The following CNTNAP5 variants were observed in gnomAD, a reference collection of about 807,000 sequenced individuals.
The protein encoded by CNTNAP5 is contactin-associated protein-like 5.
In CNTNAP5, 72 loss-of-function variants were observed where a neutral mutation model predicts 150.2. The ratio of observed to expected loss-of-function variants is 0.48; its 90% confidence interval spans 0.40 to 0.58. The LOEUF (loss-of-function observed/expected upper bound fraction) is 0.58, where lower values mean the gene tolerates loss of function less well. Ranked by LOEUF, CNTNAP5 falls within the 20% of genes least tolerant of loss-of-function variation. The probability of loss-of-function intolerance (pLI) is 0.00; values close to 1 mark genes in which losing one functional copy is unlikely to be tolerated. For synonymous variants in CNTNAP5, 672 were observed against 619.8 expected, an observed-to-expected ratio of 1.08 and a Z score of -1.25; for missense variants, 1,636 against 1,626.2, an observed-to-expected ratio of 1.01 and a Z score of -0.10.
intron 3 of CNTNAP5, among the ~76,000 whole-genome samples, chr2:124,313,228 G>A (rs949564891): frequency 2.0e-5 from 3 of 152,132 alleles, no homozygotes; most frequent in South Asian, 2.1e-4. Context: ...ATTATTATAC[G>A]ATTAATCACC....
chr2:124,200,942 C>A (rs1685713501), intron 1 of CNTNAP5, among the ~76,000 whole-genome samples: 1 of 152,186 alleles, frequency 6.6e-6, no homozygotes. Flanking sequence ...ACCTCTAAGA[C>A]CCATATGTCC....
At chr2:124,533,545 G>A (rs1019121499) in intron 10 of CNTNAP5, among the ~76,000 whole-genome samples, 2 of 152,148 alleles carry the variant, frequency 1.3e-5, no homozygotes, top group Non-Finnish European at 2.9e-5. Flanking sequence ...GATGGTTCCT[G>A]CCCCCACCTA....
chr2:124,296,911 G>T (rs577361290), intron 3 of CNTNAP5, among the ~76,000 whole-genome samples: 1 of 152,136 alleles, frequency 6.6e-6, no homozygotes, highest in Non-Finnish European at 1.5e-5. Context: ...GCCTGCAGCC[G>T]TTCTGCAATC....
Position 124,914,198 on chromosome 2 carries a change from G to T in CNTNAP5, c.3834G>T (p.Lys1278Asn), listed in dbSNP as rs773483783. ...QSHRTSQMKEKEYPENLDSSF... is the reference protein window; with the variant it reads ...QSHRTSQMKENEYPENLDSSF... ...ATCGTACGAGCCAGATGAAGGAGAA[G>T]GAATATCCAGAAAATTTGGACAGTT... The change falls in exon 24 of 24, where the codon AAG (lysine) becomes AAT (asparagine). Residue 1278 changes from lysine (K) to asparagine (N), a missense_variant. By Grantham distance (94) the Lys-to-Asn change is moderately conservative. Transcript: ENST00000682447. The T allele has an allele frequency of 6.2e-7, 1 of 1,612,536 alleles. No individual in the cohort carries two copies.
intron 4 of CNTNAP5, among the ~76,000 whole-genome samples, chr2:124,425,530 C>T (rs531400837): frequency 1.6e-4 from 24 of 152,274 alleles, no homozygotes; most frequent in African/African-American, 5.1e-4. Context: ...CATAGTGAAA[C>T]CTTTTGCTAA....
chr2:124,509,522 T>TA (rs1307164592), intron 8 of CNTNAP5, among the ~76,000 whole-genome samples: 2 of 152,122 alleles, frequency 1.3e-5, no homozygotes, highest in Admixed American at 6.6e-5. Flanking sequence ...TACAAAACTG[T>TA]AAAAAAACTC....
chr2:124,538,346 C>T (rs750546480), intron 10 of CNTNAP5, among the ~76,000 whole-genome samples: 12 of 152,164 alleles, frequency 7.9e-5, no homozygotes, highest in South Asian at 2.1e-4. Flanking sequence ...GGCATGGTGG[C>T]GCACGCCTAT....
intron 19 of CNTNAP5, among the ~76,000 whole-genome samples, chr2:124,857,165 A>G (rs1677392529): frequency 6.6e-6 from 1 of 152,084 alleles, no homozygotes; most frequent in African/African-American, 2.4e-5. Flanking sequence ...GCCTCCCCAT[A>G]AGTACCCCTC....
chr2:124,270,507 C>A (rs1413187283), intron 3 of CNTNAP5, among the ~76,000 whole-genome samples: 2 of 152,114 alleles, frequency 1.3e-5, no homozygotes, highest in African/African-American at 4.8e-5. Flanking sequence ...GTGTGTAGGA[C>A]AGTCCAACTT....
At chr2:124,437,638 T>C (rs1033343796) in intron 5 of CNTNAP5, among the ~76,000 whole-genome samples, 2 of 152,202 alleles carry the variant, frequency 1.3e-5, no homozygotes, top group Non-Finnish European at 2.9e-5. Context: ...TAGTTATTTA[T>C]ATGAATTCTT....
chr2:124,886,101 G>A (rs551787138), intron 21 of CNTNAP5, among the ~76,000 whole-genome samples: 1 of 151,918 alleles, frequency 6.6e-6, no homozygotes, highest in Admixed American at 6.6e-5. Context: ...CATTCTCCTT[G>A]TCAAAACAAA....
At chr2:124,839,825 G>T (rs1344837806) in intron 19 of CNTNAP5, among the ~76,000 whole-genome samples, 1 of 152,126 alleles carries the variant, frequency 6.6e-6, no homozygotes, top group Non-Finnish European at 1.5e-5. Context: ...ACTGTCAATT[G>T]TGAAGGGCTT....
intron 1 of CNTNAP5, among the ~76,000 whole-genome samples, chr2:124,188,664 A>C (rs1399314163): frequency 7.1e-6 from 1 of 140,426 alleles, no homozygotes; most frequent in Non-Finnish European, 1.5e-5. Flanking sequence ...GCTTGCAGTG[A>C]GCCGAGATCA....
intron 3 of CNTNAP5, among the ~76,000 whole-genome samples, chr2:124,390,160 C>T (rs965036639): frequency 2.6e-5 from 4 of 152,106 alleles, no homozygotes; most frequent in Non-Finnish European, 5.9e-5. Flanking sequence ...GATCAAAGGG[C>T]TAGACCCTCT....
intron 11 of CNTNAP5, among the ~76,000 whole-genome samples, chr2:124,606,042 T>C (rs530863948): frequency 1.2e-4 from 19 of 152,252 alleles, no homozygotes; most frequent in Non-Finnish European, 2.4e-4. Context: ...ATATTTTAGA[T>C]AGTTGTTAGT....
intron 1 of CNTNAP5, among the ~76,000 whole-genome samples, chr2:124,034,755 G>A (rs1681163943): frequency 6.6e-6 from 1 of 152,138 alleles, no homozygotes; most frequent in Non-Finnish European, 1.5e-5. Flanking sequence ...CCATGATCCT[G>A]GGAAGGAGTG....
Position 124,711,909 on chromosome 2 carries a change from G to T in CNTNAP5, c.2078-35320G>T, listed in dbSNP as rs542060201. On this transcript the variant is annotated intron_variant, in intron 13 of 23. Transcript: ENST00000682447. ...TTGTTTAATTCAGCACCTCATCACA[G>T]ATAAGTAATTTCTATTTTTTACTAT... Among the ~76,000 whole-genome samples the T allele has an allele frequency of 1.8e-4, 28 of 152,222 alleles. No individual in the cohort carries two copies. In the South Asian group the frequency reaches 5.6e-3, roughly 30 times the overall value.
chr2:124,898,703 T>C (rs977885491), intron 21 of CNTNAP5, among the ~76,000 whole-genome samples: 5 of 151,460 alleles, frequency 3.3e-5, no homozygotes, highest in Non-Finnish European at 5.9e-5. Flanking sequence ...GTAGTAGAGT[T>C]CCACAGCAAG....
chr2:124,357,016 G>C (rs1036812571), intron 3 of CNTNAP5, among the ~76,000 whole-genome samples: 1 of 152,122 alleles, frequency 6.6e-6, no homozygotes, highest in African/African-American at 2.4e-5. Context: ...GTGTGAGATG[G>C]TATCTCATTG....
Sources: gnomAD v4.1 joint callset for allele counts (sites outside exome capture counted in the v4.1 genomes callset) on GRCh38, gnomAD v4.1.1 for gene constraint, MANE v1.5 for transcripts, NCBI Gene and HGNC (gene_info 2026-07-23, HGNC 2026-07-21) for gene names.